The following SLIT2 variants were observed in gnomAD, a reference collection of about 807,000 sequenced individuals.
SLIT2 encodes the protein slit guidance ligand 2, also known as slit homolog 2 protein.
Under a neutral mutation model 185.7 loss-of-function variants are expected in SLIT2, and 41 were observed. That is an observed-to-expected ratio of 0.22 (90% confidence interval 0.17 to 0.29). SLIT2 has a LOEUF of 0.29. Ranked by LOEUF, SLIT2 falls within the 10% of genes least tolerant of loss-of-function variation. SLIT2 has a pLI of 1.00. For synonymous variants in SLIT2, 693 were observed against 680.2 expected, an observed-to-expected ratio of 1.02 and a Z score of -0.29; for missense variants, 1,571 against 1,909.0, an observed-to-expected ratio of 0.82 and a Z score of 3.30.
At chr4:20,533,226 C>T (rs964658094) in intron 17 of SLIT2, among the ~76,000 whole-genome samples, 1 of 152,206 alleles carries the variant, frequency 6.6e-6, no homozygotes, top group African/African-American at 2.4e-5. Context: ...TAACATTTGA[C>T]AATTTTAATC....
At chr4:20,587,653 TTC>T (rs1272450616) in intron 29 of SLIT2, among the ~76,000 whole-genome samples, 1 of 152,164 alleles carries the variant, frequency 6.6e-6, no homozygotes, top group African/African-American at 2.4e-5. Context: ...AGAGATGAAA[TTC>T]TCTGTCTCTG....
At chr4:20,275,484 C>T (rs1714081214) in intron 4 of SLIT2, among the ~76,000 whole-genome samples, 1 of 152,104 alleles carries the variant, frequency 6.6e-6, no homozygotes, top group Non-Finnish European at 1.5e-5. Flanking sequence ...TCATTGCAAG[C>T]AAGATGGAAA....
At chr4:20,274,556 T>A (rs2109041190) in intron 4 of SLIT2, among the ~76,000 whole-genome samples, 1 of 152,242 alleles carries the variant, frequency 6.6e-6, no homozygotes, top group Middle Eastern at 3.4e-3. Context: ...ATTTGAGATT[T>A]TGCCAGATCT....
chr4:20,278,268 G>C (rs1479399083), intron 4 of SLIT2, among the ~76,000 whole-genome samples: 2 of 151,622 alleles, frequency 1.3e-5, no homozygotes, highest in Non-Finnish European at 2.9e-5. Flanking sequence ...AATGCCTCAG[G>C]ATAAAACCCA....
chr4:20,283,106 C>CTG lies in SLIT2; in HGVS notation c.395+14230_395+14231dup, dbSNP rs1478845305. 2.9e-3 allele frequency among the ~76,000 whole-genome samples: 382 copies of CTG among 133,430 alleles called. 3 individuals are homozygous for CTG. Among genetic ancestry groups the CTG allele is most frequent in the East Asian group, 5.0e-3 (16 of 3,192 alleles). 87.5% of individuals were successfully genotyped at this position (133,430 alleles called of 152,430 possible). A position where few individuals can be genotyped will look rare whatever the true frequency, so the allele number is the denominator to read the frequency against. ...TTATATGTGTGTGTTGCCTGTGTGC[C>CTG]TGTGTGCGCGCGCGCACACACACAC... is the stretch of plus-strand genomic sequence containing the variant. On this transcript the variant is annotated intron_variant, in intron 4 of 36. Transcript: ENST00000504154.
chr4:20,391,927 A>T (rs890736901), intron 4 of SLIT2, among the ~76,000 whole-genome samples: 1 of 152,114 alleles, frequency 6.6e-6, no homozygotes, highest in Non-Finnish European at 1.5e-5. Flanking sequence ...ACTAGGTAAG[A>T]GGAGAATGTG....
rs1719554612 is a variant in SLIT2, at chr4:20,509,950, C to T, written c.915-545C>T. Among the ~76,000 whole-genome samples the T allele has an allele frequency of 1.3e-5, 2 of 152,096 alleles. 1 individual carries two copies. The highest frequency in any genetic ancestry group is 4.1e-4 in the South Asian group (2 of 4,826). ...ACTGTCTTACTGAAAATATCTGTAG[C>T]ATATATGGATTTATAATTTAACATT... On this transcript the variant is annotated intron_variant, in intron 9 of 36. Coordinates refer to ENST00000504154, the MANE Select transcript of SLIT2 (RefSeq NM_004787.4).
At chr4:20,554,434 G>C in intron 26 of SLIT2, 1 of 420,302 alleles carries the variant, frequency 2.4e-6, no homozygotes, top group South Asian at 1.7e-5. Flanking sequence ...CTTGTTTCTT[G>C]CTTGTTTGTA....
intron 4 of SLIT2, among the ~76,000 whole-genome samples, chr4:20,285,368 T>A (rs867229980): frequency 6.6e-6 from 1 of 152,188 alleles, no homozygotes; most frequent in Admixed American, 6.5e-5. Context: ...GCTCTGCCTA[T>A]GATCTTGATT....
At chr4:20,537,416 T>G (rs922075189) in intron 18 of SLIT2, among the ~76,000 whole-genome samples, 1 of 152,098 alleles carries the variant, frequency 6.6e-6, no homozygotes, top group Non-Finnish European at 1.5e-5. Context: ...GACTGTACAG[T>G]CACATTTGGG....
chr4:20,451,681 T>C (rs989389262), intron 4 of SLIT2, among the ~76,000 whole-genome samples: 1 of 152,204 alleles, frequency 6.6e-6, no homozygotes, highest in African/African-American at 2.4e-5. Context: ...TTTGCATATA[T>C]CATTTTATGC....
At chr4:20,518,083 G>GTATATATA (rs533312464) in intron 11 of SLIT2, among the ~76,000 whole-genome samples, 10 of 132,700 alleles carry the variant, frequency 7.5e-5, no homozygotes, top group African/African-American at 2.7e-4. Context: ...ATATGTGTGT[G>GTATATATA]TATATATATA....
At chr4:20,459,813 C>T (rs908379386) in intron 4 of SLIT2, among the ~76,000 whole-genome samples, 3 of 151,620 alleles carry the variant, frequency 2.0e-5, no homozygotes, top group Admixed American at 6.6e-5. Context: ...CAGACTTCTA[C>T]TTAACAGGAG....
Position 20,533,644 on chromosome 4 carries a change from A to T in SLIT2, c.1761A>T (p.Ile587=), listed in dbSNP as rs1198551054. The part of the protein sequence containing the change: ...AFEGASGVNE[I]LLTSNRLENV... ...AAGGAGCATCTGGTGTAAATGAAAT[A>T]CTTCTTACGAGTAATCGTTTGGAAA... The change falls in exon 18 of 37, where the codon ATA becomes ATT. Residue 587 remains isoleucine, a synonymous_variant. Coordinates refer to ENST00000504154, the MANE Select transcript of SLIT2 (RefSeq NM_004787.4). The T allele has an allele frequency of 6.2e-7, 1 of 1,612,362 alleles. No homozygotes were observed. The highest frequency in any genetic ancestry group is 1.3e-5 in the African/African-American group (1 of 74,894).
At chr4:20,382,962 A>G (rs1038852973) in intron 4 of SLIT2, among the ~76,000 whole-genome samples, 4 of 152,198 alleles carry the variant, frequency 2.6e-5, no homozygotes, top group Non-Finnish European at 4.4e-5. Flanking sequence ...AGATTAGTGG[A>G]ATAGAAAAGA....
intron 4 of SLIT2, among the ~76,000 whole-genome samples, chr4:20,284,782 C>G (rs1290059147): frequency 1.3e-5 from 2 of 152,200 alleles, no homozygotes; most frequent in African/African-American, 4.8e-5. Context: ...TGTTTTTACC[C>G]ATTTATGTGT....
At chr4:20,280,938 T>C (rs1429232959) in intron 4 of SLIT2, among the ~76,000 whole-genome samples, 4 of 151,600 alleles carry the variant, frequency 2.6e-5, no homozygotes, top group African/African-American at 7.3e-5. Flanking sequence ...GTTCAAGCGA[T>C]TCTCCTACCT....
intron 4 of SLIT2, among the ~76,000 whole-genome samples, chr4:20,334,080 T>C (rs1366429525): frequency 6.6e-6 from 1 of 152,186 alleles, no homozygotes; most frequent in East Asian, 1.9e-4. Flanking sequence ...ATTTTCCCTA[T>C]GTCTCTACTT....
intron 4 of SLIT2, among the ~76,000 whole-genome samples, chr4:20,442,603 A>T (rs1207488675): frequency 6.6e-6 from 1 of 151,596 alleles, no homozygotes; most frequent in African/African-American, 2.4e-5. Flanking sequence ...ATGATGTGAA[A>T]CTCGGAAAGG....
Sources: allele counts gnomAD v4.1 joint callset (sites outside exome capture counted in the v4.1 genomes callset), GRCh38; gene constraint gnomAD v4.1.1; transcripts MANE v1.5; gene names NCBI Gene and HGNC (gene_info 2026-07-23, HGNC 2026-07-21).